Variants in ATXN2 observed in about 807,000 individuals in gnomAD.
The protein encoded by ATXN2 is ataxin-2.
A neutral mutation model predicts 138.6 loss-of-function variants in ATXN2; 37 were observed. That is an observed-to-expected ratio of 0.27 (90% CI 0.21 to 0.35). The LOEUF is 0.35. Ranked by LOEUF, ATXN2 falls within the 10% of genes least tolerant of loss-of-function variation. ATXN2 has a pLI of 1.00. For missense variants in ATXN2, 1,216 were observed against 1,480.3 expected (o/e 0.82, Z 2.93); for synonymous variants, 549 against 543.7 (o/e 1.01, Z -0.13).
At chr12:111,459,895 T>G (rs1222735886) in intron 21 of ATXN2, among the ~76,000 whole-genome samples, 1 of 151,104 alleles carries the variant, frequency 6.6e-6, no homozygotes. Flanking sequence ...TTTTGTATTT[T>G]TAGTAGAGAC....
At chr12:111,591,600 G>A (rs1189204844) in intron 1 of ATXN2, among the ~76,000 whole-genome samples, 5 of 152,070 alleles carry the variant, frequency 3.3e-5, no homozygotes, top group African/African-American at 1.2e-4. Flanking sequence ...ATAGATTGAG[G>A]CTGCACTCCA....
At chr12:111,546,709 C>T (rs1021952170) in intron 5 of ATXN2, among the ~76,000 whole-genome samples, 81 of 152,104 alleles carry the variant, frequency 5.3e-4, no homozygotes, top group African/African-American at 1.9e-3. Context: ...AAGTAAAAAA[C>T]AAGCAGAGAT....
In ATXN2 at chr12:111,464,590, C is replaced by T. The variant is rs1875859210; in HGVS notation, c.2896+72G>A. 4 of 1,168,388 alleles carry T rather than the reference C, an allele frequency of 3.4e-6. No individual in the cohort carries two copies. The African/African-American group carries it at 6.1e-5, about 18-fold the overall frequency. The allele number at this position is 1,168,388 out of a possible 1,614,324, so 72.4% of individuals were successfully genotyped here. A position where few individuals can be genotyped will look rare whatever the true frequency, so the allele number is the denominator to read the frequency against. On this transcript the variant is annotated intron_variant, in intron 21 of 24. Transcript: ENST00000673436. ...AGGAAAATATTGTTCAACAAGTCTACTCCCTTAACATGTATCCTTTAAAAA... is the reference window on the plus strand; with the variant it reads ...AGGAAAATATTGTTCAACAAGTCTATTCCCTTAACATGTATCCTTTAAAAA...
At chr12:111,533,289 G>A (rs1880948819) in intron 5 of ATXN2, among the ~76,000 whole-genome samples, 2 of 152,148 alleles carry the variant, frequency 1.3e-5, no homozygotes, top group South Asian at 4.1e-4. Flanking sequence ...ATGGGGGATT[G>A]GTTCTAATAC....
intron 10 of ATXN2, among the ~76,000 whole-genome samples, chr12:111,515,720 A>G (rs1217334037): frequency 6.6e-6 from 1 of 152,202 alleles, no homozygotes; most frequent in Non-Finnish European, 1.5e-5. Flanking sequence ...TCGCTCTCAA[A>G]AAAGACCCAG....
At chr12:111,529,965 C>T (rs918722012) in intron 5 of ATXN2, among the ~76,000 whole-genome samples, 3 of 152,218 alleles carry the variant, frequency 2.0e-5, no homozygotes, top group Non-Finnish European at 2.9e-5. Context: ...TCAAAATCCT[C>T]AGCTAACCAT....
chr12:111,539,728 A>G (rs1382560592), intron 5 of ATXN2, among the ~76,000 whole-genome samples: 2 of 150,042 alleles, frequency 1.3e-5, no homozygotes, highest in African/African-American at 2.4e-5. Context: ...CAGCCTGGGC[A>G]ACAGAGCAAG....
chr12:111,452,260 T>C lies in ATXN2; in HGVS notation c.*552A>G, dbSNP rs1165735038. 1.3e-5 allele frequency: 2 copies of C among 152,526 alleles called. No homozygotes were observed. The highest frequency in any genetic ancestry group is 4.8e-5 in the African/African-American group (2 of 41,438). 9.4% of individuals were successfully genotyped at this position (152,526 alleles called of 1,614,324 possible). A position where few individuals can be genotyped will look rare whatever the true frequency, so the allele number is the denominator to read the frequency against. ...ATTTTTTAAATTTTTTTTAAGTTTT[T>C]ATTTTATATTATCTACAAAGTAAAA... On this transcript the variant is annotated 3_prime_UTR_variant, in exon 25 of 25. Coordinates refer to ENST00000673436, the MANE Select transcript of ATXN2 (RefSeq NM_001372574.1).
At chr12:111,528,959 T>TA (rs1270270455) in intron 5 of ATXN2, among the ~76,000 whole-genome samples, 1 of 152,122 alleles carries the variant, frequency 6.6e-6, no homozygotes, top group African/African-American at 2.4e-5. Context: ...TCTGTTTCTT[T>TA]AAAAAAAATT....
At chr12:111,525,686 A>ATT (rs11346498) in intron 5 of ATXN2, among the ~76,000 whole-genome samples, 5 of 139,566 alleles carry the variant, frequency 3.6e-5, no homozygotes, top group Non-Finnish European at 4.7e-5. Context: ...CACACGAAGC[A>ATT]TTTTTTTTTT....
intron 1 of ATXN2, among the ~76,000 whole-genome samples, chr12:111,568,413 T>C (rs1005052367): frequency 6.6e-6 from 1 of 152,242 alleles, no homozygotes; most frequent in Admixed American, 6.5e-5. Flanking sequence ...ACTCCTCCTC[T>C]ATATGTCCTT....
At chr12:111,488,189 A>C (rs920576583) in intron 15 of ATXN2, among the ~76,000 whole-genome samples, 20 of 152,252 alleles carry the variant, frequency 1.3e-4, no homozygotes, top group Admixed American at 6.5e-4. Context: ...CTGAATTGAT[A>C]ATTTTTCAAC....
chr12:111,598,815 T>C lies in ATXN2; in HGVS notation c.220A>G (p.Thr74Ala), dbSNP rs1377668269. The C allele has an allele frequency of 7.2e-7, 1 of 1,389,756 alleles. No homozygotes were observed. Among genetic ancestry groups the C allele is most frequent in the Non-Finnish European group, 9.2e-7 (1 of 1,082,036 alleles). 86.1% of individuals were successfully genotyped at this position (1,389,756 alleles called of 1,614,324 possible). ...ATAPSSVVAA[T>A]SGGGRPGLGR... ...AGGCCGGGCCTCCCGCCGCCGGAGG[T>C]CGCCGCGACCACCGAGGAGGGAGCC... The change falls in exon 1 of 25, where the codon ACC becomes GCC. Residue 74 changes from threonine to alanine, a missense_variant. Around this residue, in one of 4 missense-constraint regions of ATXN2, gnomAD observed 401 missense variants for 528.1 expected, o/e 0.76. Transcript: ENST00000673436. The surrounding 1 kb of genome is among the most constrained non-coding windows in gnomAD (Gnocchi z 4.5).
chr12:111,452,765 G>A lies in ATXN2; in HGVS notation c.*47C>T. ...TCTGTGCTTCCAGTTGGTAGAAGCA[G>A]TAGAAGGGAGGAGGGAATTTGGCCT... On this transcript the variant is annotated 3_prime_UTR_variant, in exon 25 of 25. Transcript: ENST00000673436. 6.4e-7 allele frequency: 1 copy of A among 1,569,780 alleles called. No individual in the cohort carries two copies. The highest frequency in any genetic ancestry group is 1.4e-5 in the African/African-American group (1 of 73,972).
In ATXN2 at chr12:111,462,969, T is replaced by TAC. The variant is rs199797015; in HGVS notation, c.2896+1692_2896+1693insGT. Among the ~76,000 whole-genome samples the TAC allele has an allele frequency of 6.2e-3, 841 of 136,232 alleles. 10 individuals carry two copies. The highest frequency in any genetic ancestry group is 0.022 in the African/African-American group (802 of 35,766). 89.4% of individuals were successfully genotyped at this position (136,232 alleles called of 152,430 possible). ...AATTATATATACACACATACATATA[T>TAC]ATATATATACACACACACACACACA... On this transcript the variant is annotated intron_variant, in intron 21 of 24. Coordinates refer to ENST00000673436, the MANE Select transcript of ATXN2 (RefSeq NM_001372574.1).
chr12:111,542,789 A>G (rs1433288048), intron 5 of ATXN2, among the ~76,000 whole-genome samples: 1 of 152,150 alleles, frequency 6.6e-6, no homozygotes, highest in Non-Finnish European at 1.5e-5. Context: ...TTCTGCTCCC[A>G]TGTATCTTGA....
chr12:111,586,125 G>C (rs772063608), intron 1 of ATXN2, among the ~76,000 whole-genome samples: 29 of 151,850 alleles, frequency 1.9e-4, no homozygotes, highest in Non-Finnish European at 3.5e-4. Flanking sequence ...GGCTGGACTT[G>C]AACTCCTGGG....
chr12:111,550,095 A>G (rs1390761561), intron 5 of ATXN2, among the ~76,000 whole-genome samples: 6 of 151,982 alleles, frequency 3.9e-5, no homozygotes, highest in African/African-American at 1.4e-4. Context: ...AGAAAAGAAA[A>G]AATAAGATAC....
chr12:111,582,704 C>T (rs1026086355), intron 1 of ATXN2, among the ~76,000 whole-genome samples: 2 of 152,214 alleles, frequency 1.3e-5, no homozygotes, highest in African/African-American at 2.4e-5. Flanking sequence ...CTCGCTCTGT[C>T]GCCCAGCAGG....
Sources: allele counts gnomAD v4.1 joint callset (sites outside exome capture counted in the v4.1 genomes callset), GRCh38; gene constraint gnomAD v4.1.1; regional missense constraint gnomAD v4.1.1; non-coding constraint Gnocchi (gnomAD v3.1); transcripts MANE v1.5; gene names NCBI Gene and HGNC (gene_info 2026-07-23, HGNC 2026-07-21).